Variants in EIF2AK3 observed in about 807,000 individuals in gnomAD.
EIF2AK3 encodes the protein eukaryotic translation initiation factor 2-alpha kinase 3.
In EIF2AK3, 50 loss-of-function variants were observed where a neutral mutation model predicts 113.5. The ratio of observed to expected loss-of-function variants is 0.44; its 90% CI spans 0.35 to 0.56. EIF2AK3 has a LOEUF of 0.56. EIF2AK3 is among the 20% of genes least tolerant of loss of function. EIF2AK3 has a pLI of 0.00. For missense variants in EIF2AK3, 1,185 were observed against 1,378.0 expected, an observed-to-expected ratio of 0.86 and a Z score of 2.22; for synonymous variants, 448 against 495.4, an observed-to-expected ratio of 0.90 and a Z score of 1.27.
intron 2 of EIF2AK3, among the ~76,000 whole-genome samples, chr2:88,597,013 T>G (rs1341773903): frequency 6.6e-6 from 1 of 152,178 alleles, no homozygotes; most frequent in African/African-American, 2.4e-5. Flanking sequence ...GCTCAAAACT[T>G]TAGGAAACAG....
intron 14 of EIF2AK3, among the ~76,000 whole-genome samples, chr2:88,563,412 C>G (rs138084908): frequency 5.3e-5 from 8 of 151,860 alleles, no homozygotes; most frequent in Non-Finnish European, 8.8e-5. Flanking sequence ...CAATCTGAAC[C>G]CTGTCTCACT....
chr2:88,608,668 T>G (rs1441986305), intron 2 of EIF2AK3, among the ~76,000 whole-genome samples: 1 of 151,492 alleles, frequency 6.6e-6, no homozygotes, highest in Non-Finnish European at 1.5e-5. Context: ...ATGCATCCAG[T>G]TCACAGCATT....
chr2:88,576,298 T>C (rs1299625803), intron 12 of EIF2AK3, among the ~76,000 whole-genome samples: 2 of 152,208 alleles, frequency 1.3e-5, no homozygotes, highest in Admixed American at 6.5e-5. Flanking sequence ...CAGGTTGGTC[T>C]TGAACTCCTG....
chr2:88,557,620 C>A lies in EIF2AK3; in HGVS notation c.*116G>T. On this transcript the variant is annotated 3_prime_UTR_variant, in exon 17 of 17. Transcript: ENST00000303236. ...TTAAATTTGATATAAAAAAAGTAGT[C>A]CACAAAAAAATTGAGCGAAGAACAA... The A allele has an allele frequency of 1.7e-6, 2 of 1,151,716 alleles. No homozygotes were observed. The highest frequency in any genetic ancestry group is 1.3e-6 in the Non-Finnish European group (1 of 764,030). 71.3% of individuals were successfully genotyped at this position (1,151,716 alleles called of 1,614,324 possible). A position where few individuals can be genotyped will look rare whatever the true frequency, so the allele number is the denominator to read the frequency against.
chr2:88,584,560 C>T (rs893818632), intron 9 of EIF2AK3, among the ~76,000 whole-genome samples: 1 of 143,688 alleles, frequency 7.0e-6, no homozygotes, highest in Non-Finnish European at 1.5e-5. Flanking sequence ...AATGTACAGT[C>T]TAGAGGTAGA....
chr2:88,577,301 A>G (rs1052674777), intron 11 of EIF2AK3, among the ~76,000 whole-genome samples: 1 of 151,822 alleles, frequency 6.6e-6, no homozygotes, highest in Admixed American at 6.6e-5. Context: ...GTATACTTCT[A>G]AAAGGCCACA....
At chr2:88,587,009 A>G (rs1674750941) in intron 8 of EIF2AK3, among the ~76,000 whole-genome samples, 1 of 147,534 alleles carries the variant, frequency 6.8e-6, no homozygotes, top group Non-Finnish European at 1.5e-5. Flanking sequence ...GTTCGAGAAC[A>G]GCCTGGCCAA....
chr2:88,619,840 G>A (rs1225814096), intron 1 of EIF2AK3, among the ~76,000 whole-genome samples: 1 of 151,676 alleles, frequency 6.6e-6, no homozygotes, highest in Non-Finnish European at 1.5e-5. Context: ...TGTAATCCCA[G>A]CTAATTGGGA....
chr2:88,606,499 T>G (rs534636280), intron 2 of EIF2AK3, among the ~76,000 whole-genome samples: 1 of 152,312 alleles, frequency 6.6e-6, no homozygotes. Flanking sequence ...ATTATTTAAA[T>G]ATTGGCTTGC....
chr2:88,580,824 C>T (rs914833870), intron 10 of EIF2AK3, among the ~76,000 whole-genome samples: 2 of 152,218 alleles, frequency 1.3e-5, no homozygotes, highest in African/African-American at 2.4e-5. Flanking sequence ...TAGATTTCAA[C>T]GTTCCATGGG....
rs1025228583 is a variant in EIF2AK3, at chr2:88,627,310, G to A, written c.-36C>T. The A allele has an allele frequency of 3.5e-5, 51 of 1,459,950 alleles. No homozygotes were observed. The highest frequency in any genetic ancestry group is 4.6e-5 in the Non-Finnish European group (51 of 1,108,252). The allele number at this position is 1,459,950 out of a possible 1,614,324, so 90.4% of individuals were successfully genotyped here. On this transcript the variant is annotated 5_prime_UTR_variant, in exon 1 of 17. Coordinates refer to ENST00000303236, the MANE Select transcript of EIF2AK3 (RefSeq NM_004836.7). Reference sequence around the variant, plus strand: ...CCCCGCGCGCAGGCATGGAGGCGCAGCCACTGACGCCTGCCTCTCCCGCCG... The same window carrying A: ...CCCCGCGCGCAGGCATGGAGGCGCAACCACTGACGCCTGCCTCTCCCGCCG...
Position 88,590,575 on chromosome 2 carries a change from G to C in EIF2AK3, c.1033C>G (p.Leu345Val), listed in dbSNP as rs767330545. 6.2e-7 allele frequency: 1 copy of C among 1,613,198 alleles called. No individual in the cohort carries two copies. Among genetic ancestry groups the C allele is most frequent in the Non-Finnish European group, 8.5e-7 (1 of 1,179,930 alleles). Residue 345 changes from leucine (L) to valine (V), a missense_variant, in exon 6 of 17, where the codon CTT (leucine) becomes GTT (valine). By Grantham distance (32) the Leu-to-Val change is conservative. Around this residue, in one of 3 missense-constraint regions of EIF2AK3, gnomAD observed 877 missense variants for 1,024.2 expected, o/e 0.86. Coordinates refer to ENST00000303236, the MANE Select transcript of EIF2AK3 (RefSeq NM_004836.7). Reference sequence around the variant, plus strand: ...ATGGGAATGACTTTCCCATCCTTAAGTAACCAGGCAGATGCAATTGGAGTA... The same window carrying C: ...ATGGGAATGACTTTCCCATCCTTAACTAACCAGGCAGATGCAATTGGAGTA... ...FCTPIASAWL[L>V]KDGKVIPISL...
intron 1 of EIF2AK3, among the ~76,000 whole-genome samples, chr2:88,618,015 T>C (rs1675629719): frequency 6.6e-6 from 1 of 151,912 alleles, no homozygotes; most frequent in African/African-American, 2.4e-5. Flanking sequence ...ACTCCAAATG[T>C]ACAAAAATAC....
At chr2:88,575,527 G>C in intron 12 of EIF2AK3, 81 bp from the exon 13 acceptor site, 2 of 1,494,722 alleles carry the variant, frequency 1.3e-6, no homozygotes, top group Non-Finnish European at 9.2e-7. Context: ...TGTTTAAAAA[G>C]CTTCAACTGT....
intron 1 of EIF2AK3, 126 bp downstream of exon 1, chr2:88,626,841 G>T (rs969268101): frequency 4.8e-5 from 63 of 1,299,948 alleles, no homozygotes; most frequent in South Asian, 7.0e-5. Context: ...TCCCCAGGTC[G>T]CCAGCTGCCC....
chr2:88,603,290 C>T (rs892381065), intron 2 of EIF2AK3, among the ~76,000 whole-genome samples: 4 of 152,206 alleles, frequency 2.6e-5, no homozygotes, highest in Non-Finnish European at 5.9e-5. Context: ...CTCAAAATCG[C>T]TCTCCACAAC....
intron 16 of EIF2AK3, 116 bp downstream of exon 16, chr2:88,558,801 T>A (rs1366022401): frequency 4.9e-6 from 4 of 810,212 alleles, no homozygotes; most frequent in Non-Finnish European, 7.8e-6. Flanking sequence ...GTCTCTTTCC[T>A]CTCTAGACCT....
At chr2:88,582,562 T>C (rs948236496) in intron 10 of EIF2AK3, among the ~76,000 whole-genome samples, 2 of 152,154 alleles carry the variant, frequency 1.3e-5, no homozygotes, top group Admixed American at 6.6e-5. Flanking sequence ...ATGAGAACTG[T>C]AATTGTCACA....
chr2:88,560,745 G>GGTTTT (rs1168494503), intron 15 of EIF2AK3, among the ~76,000 whole-genome samples: 3 of 130,998 alleles, frequency 2.3e-5, no homozygotes, highest in African/African-American at 2.8e-5. Flanking sequence ...TATTTTGACT[G>GGTTTT]TTTTTTTTTT....
Sources: allele counts gnomAD v4.1 joint callset (sites outside exome capture counted in the v4.1 genomes callset), GRCh38; gene constraint gnomAD v4.1.1; regional missense constraint gnomAD v4.1.1; transcripts MANE v1.5; gene names NCBI Gene and HGNC (gene_info 2026-07-23, HGNC 2026-07-21).